SRL: variants seen among roughly 807,000 people sequenced by gnomAD.
The protein encoded by SRL is sarcalumenin.
In SRL, 23 loss-of-function variants were observed where a neutral mutation model predicts 39.5. The ratio of observed to expected loss-of-function variants is 0.58; its 90% CI spans 0.42 to 0.82. SRL has a LOEUF of 0.82. Among genes scored for constraint, SRL ranks in the 40% least tolerant of loss-of-function variants. The pLI is 0.00. For missense variants in SRL, 592 were observed against 607.8 expected, an observed-to-expected ratio of 0.97 and a Z score of 0.27; for synonymous variants, 272 against 237.4, an observed-to-expected ratio of 1.15 and a Z score of -1.34.
intron 1 of SRL, among the ~76,000 whole-genome samples, chr16:4,211,204 C>T (rs2052387884): frequency 6.6e-6 from 1 of 152,174 alleles, no homozygotes; most frequent in Non-Finnish European, 1.5e-5. Flanking sequence ...AAGTTGCAAA[C>T]CACTGCAACT....
chr16:4,215,582 C>A (rs770586648), intron 1 of SRL, among the ~76,000 whole-genome samples: 1 of 152,206 alleles, frequency 6.6e-6, no homozygotes, highest in Non-Finnish European at 1.5e-5. Context: ...GCTTCTAGAA[C>A]TCAGCTCTCT....
rs374318073 is a variant in SRL, at chr16:4,192,839, G to A, written c.736C>T (p.Arg246Cys). ...LEMLFRQLKG[R>C]ESQIRIILNK... ...AGGATGATCCTTATCTGGGATTCACGCCCCTTCAACTGGCGGAAGAGCATC... is the reference window on the plus strand; with the variant it reads ...AGGATGATCCTTATCTGGGATTCACACCCCTTCAACTGGCGGAAGAGCATC... Residue 246 changes from arginine to cysteine, a missense_variant, in exon 6 of 6, where the codon CGT becomes TGT. By Grantham distance (180) the Arg-to-Cys change is radical (BLOSUM62 -3). Transcript: ENST00000399609. The surrounding 1 kb of genome is among the most constrained non-coding windows in gnomAD (Gnocchi z 4.0). 1.3e-5 allele frequency: 21 copies of A among 1,614,006 alleles called. No homozygotes were observed. In the East Asian group the frequency reaches 1.6e-4, roughly 12 times the overall value.
At position 4,242,030 on chromosome 16, in the gene SRL, G is replaced by A. The variant is rs1470713580; in HGVS notation, c.38C>T (p.Ser13Leu). 9 of 1,613,398 alleles carry A rather than the reference G, an allele frequency of 5.6e-6. No individual in the cohort carries two copies. The highest frequency in any genetic ancestry group is 2.7e-5 in the African/African-American group (2 of 75,040). The change falls in exon 1 of 6, where the codon TCG becomes TTG. Residue 13 changes from serine (S) to leucine (L), a missense_variant. Ser to Leu is a moderately radical substitution (Grantham distance 145). Transcript: ENST00000399609. Reference protein sequence around the residue: ...ALVLLGCLLASLLFSGQAEET... With the variant: ...ALVLLGCLLALLLFSGQAEET... ...ACCTGCTTGTCCTGAGAACAGGAGCGAGGCCAGGAGGCAGCCGAGCAGGAC... is the reference window on the plus strand; with the variant it reads ...ACCTGCTTGTCCTGAGAACAGGAGCAAGGCCAGGAGGCAGCCGAGCAGGAC...
At chr16:4,204,779 G>A (rs1003558350) in intron 1 of SRL, 145 bp from the exon 2 acceptor site, 4 of 663,494 alleles carry the variant, frequency 6.0e-6, no homozygotes, top group Non-Finnish European at 1.1e-5. Context: ...TCTGCCTTTA[G>A]GAAGGAATTT....
At chr16:4,199,823 A>G (rs1355854323) in intron 3 of SRL, among the ~76,000 whole-genome samples, 1 of 149,430 alleles carries the variant, frequency 6.7e-6, no homozygotes, top group African/African-American at 2.5e-5. Flanking sequence ...CAGCCTCCCA[A>G]GCAGCTGGGA....
chr16:4,217,405 C>G, intron 1 of SRL, among the ~76,000 whole-genome samples: 1 of 152,172 alleles, frequency 6.6e-6, no homozygotes, highest in African/African-American at 2.4e-5. Context: ...GCACGCGCCA[C>G]CATGCCTGGC....
chr16:4,213,234 C>A (rs940560292), intron 1 of SRL, among the ~76,000 whole-genome samples: 4 of 152,074 alleles, frequency 2.6e-5, no homozygotes, highest in Non-Finnish European at 4.4e-5. Context: ...AATTTGTCTG[C>A]CCCAGTGTCC....
At chr16:4,205,586 T>C (rs749683998) in intron 1 of SRL, among the ~76,000 whole-genome samples, 39 of 151,838 alleles carry the variant, frequency 2.6e-4, no homozygotes, top group Non-Finnish European at 4.3e-4. Flanking sequence ...GTGAGTTAGG[T>C]GACCAGTGGA....
intron 1 of SRL, chr16:4,206,658 C>T (rs1008029442): frequency 2.2e-6 from 1 of 456,602 alleles, no homozygotes; most frequent in Non-Finnish European, 4.4e-6. Context: ...CTGTCCCCTA[C>T]ACACAAGACT....
intron 1 of SRL, among the ~76,000 whole-genome samples, chr16:4,234,140 T>C (rs919007840): frequency 2.6e-5 from 4 of 152,094 alleles, no homozygotes; most frequent in Non-Finnish European, 5.9e-5. Flanking sequence ...GACCACAGTG[T>C]ACCCACTACA....
At chr16:4,230,595 G>C (rs535726907) in intron 1 of SRL, among the ~76,000 whole-genome samples, 1 of 151,728 alleles carries the variant, frequency 6.6e-6, no homozygotes, top group African/African-American at 2.4e-5. Context: ...CACCATGTTG[G>C]CCAGGCTGGT....
intron 3 of SRL, among the ~76,000 whole-genome samples, chr16:4,199,645 G>T (rs1361604755): frequency 6.8e-6 from 1 of 146,142 alleles, no homozygotes; most frequent in Non-Finnish European, 1.5e-5. Flanking sequence ...TGCTTCTATT[G>T]CAGGCATGAG....
chr16:4,233,391 C>T (rs2052679259), intron 1 of SRL, among the ~76,000 whole-genome samples: 1 of 152,146 alleles, frequency 6.6e-6, no homozygotes, highest in Admixed American at 6.5e-5. Context: ...CTACACTGTT[C>T]GTGATGAAAT....
At chr16:4,207,461 C>T (rs1328401137) in intron 1 of SRL, 1 of 456,882 alleles carries the variant, frequency 2.2e-6, no homozygotes, top group South Asian at 1.5e-5. Flanking sequence ...GCACTGCAGG[C>T]TCCTCGCCAG....
intron 1 of SRL, among the ~76,000 whole-genome samples, chr16:4,238,384 T>A (rs1032364827): frequency 6.6e-6 from 1 of 151,862 alleles, no homozygotes; most frequent in Non-Finnish European, 1.5e-5. Context: ...ATAGGCTGAC[T>A]CTCCCCAGCC....
chr16:4,209,911 G>T (rs1035134020), intron 1 of SRL, among the ~76,000 whole-genome samples: 1 of 152,134 alleles, frequency 6.6e-6, no homozygotes, highest in Admixed American at 6.6e-5. Context: ...CCCTGTCCAG[G>T]CTTCCATGCC....
At chr16:4,218,888 A>T (rs768881266) in intron 1 of SRL, among the ~76,000 whole-genome samples, 1 of 152,240 alleles carries the variant, frequency 6.6e-6, no homozygotes, top group Non-Finnish European at 1.5e-5. Context: ...TGTCCTGCCC[A>T]TGTGCCCCAG....
Position 4,203,971 on chromosome 16 carries a change from G to A in SRL, c.163+562C>T, listed in dbSNP as rs2141032511. Among the ~76,000 whole-genome samples the A allele has an allele frequency of 1.3e-5, 2 of 152,346 alleles. 1 individual carries two copies. Among genetic ancestry groups the A allele is most frequent in the South Asian group, 4.1e-4 (2 of 4,826 alleles). On this transcript the variant is annotated intron_variant, in intron 2 of 5. Transcript: ENST00000399609. ...GATAACCCAGGTGGCCTCTTTCTAA[G>A]AGTTAGCTCCCTGCTGGGAGCCCAC... is the stretch of plus-strand genomic sequence containing the variant.
chr16:4,210,484 A>ATTTTTTT (rs1307381191), intron 1 of SRL, among the ~76,000 whole-genome samples: 17 of 68,770 alleles, frequency 2.5e-4, no homozygotes, highest in African/African-American at 6.2e-4. Flanking sequence ...TATTACTCAT[A>ATTTTTTT]TCTTTTTTTT....
Sources: gnomAD v4.1 joint callset for allele counts (sites outside exome capture counted in the v4.1 genomes callset) on GRCh38, gnomAD v4.1.1 for gene constraint, Gnocchi (gnomAD v3.1) non-coding constraint, MANE v1.5 for transcripts, NCBI Gene and HGNC (gene_info 2026-07-23, HGNC 2026-07-21) for gene names.